Variants in FAAH2 observed in about 807,000 individuals in gnomAD.
FAAH2 encodes fatty-acid amide hydrolase 2.
FAAH2 carries 60 observed loss-of-function variants against 36.9 expected under a neutral mutation model. The observed-to-expected ratio is 1.63, with a 90% confidence interval of 1.32 to 2.02. The LOEUF (loss-of-function observed/expected upper bound fraction) is 2.02, where lower values mean the gene tolerates loss of function less well. FAAH2 is among the 30% of genes most tolerant of loss of function. FAAH2 has a pLI of 0.00. For synonymous variants in FAAH2, 214 were observed against 143.8 expected (o/e 1.49, Z -3.49); for missense variants, 689 against 397.5 (o/e 1.73, Z -6.23).
the FAAH2 span, among the ~76,000 whole-genome samples, chrX:57,154,934 G>A: frequency 2.4e-4 from 26 of 110,580 alleles, no homozygotes; most frequent in East Asian, 4.0e-3. Context: ...TGTAGTGATC[G>A]TTATTTCTCT....
intron 10 of FAAH2, among the ~76,000 whole-genome samples, chrX:57,466,828 G>A (rs1449960936): frequency 2.7e-5 from 3 of 111,573 alleles, no homozygotes; most frequent in Non-Finnish European, 5.6e-5. Flanking sequence ...CAAGCATTAA[G>A]GGTGTGAAAT....
At chrX:57,438,489 A>G (rs931158857) in intron 8 of FAAH2, among the ~76,000 whole-genome samples, 2 of 110,239 alleles carry the variant, frequency 1.8e-5, no homozygotes, top group African/African-American at 6.6e-5. Context: ...AAAAATATAA[A>G]CAAAATTACC....
intron 7 of FAAH2, among the ~76,000 whole-genome samples, chrX:57,399,411 C>T (rs907952838): frequency 8.9e-6 from 1 of 112,117 alleles, no homozygotes; most frequent in Non-Finnish European, 1.9e-5. Flanking sequence ...ATTTTCCCTT[C>T]TTCAGTGGCT....
the FAAH2 span, among the ~76,000 whole-genome samples, chrX:57,228,330 C>T: frequency 1.8e-4 from 20 of 111,438 alleles, no homozygotes; most frequent in Non-Finnish European, 3.8e-5. Context: ...GCTACTTCCT[C>T]TATCCCTGTG....
At chrX:57,299,754 A>C (rs1047973465) in intron 2 of FAAH2, among the ~76,000 whole-genome samples, 3 of 112,212 alleles carry the variant, frequency 2.7e-5, no homozygotes, top group African/African-American at 9.7e-5. Context: ...CAACTTCAGC[A>C]AAGTCTCAGG....
the FAAH2 span, among the ~76,000 whole-genome samples, chrX:57,180,825 A>G: frequency 4.1e-3 from 453 of 111,598 alleles, 2 homozygotes; most frequent in African/African-American, 0.014. Context: ...GCAGAAATAC[A>G]ATAACAACAA....
chrX:57,204,124 A>G, the FAAH2 span, among the ~76,000 whole-genome samples: 4 of 111,268 alleles, frequency 3.6e-5, no homozygotes, highest in Non-Finnish European at 5.7e-5. Flanking sequence ...TAATGATTCC[A>G]TGGGAATCAT....
chrX:57,239,482 A>ATG, the FAAH2 span, among the ~76,000 whole-genome samples: 59 of 109,194 alleles, frequency 5.4e-4, no homozygotes, highest in African/African-American at 1.6e-3. Flanking sequence ...TTTTATATAT[A>ATG]TATATATTTC....
chrX:57,286,289 T>A (rs1163390320), upstream of FAAH2, among the ~76,000 whole-genome samples: 1 of 112,226 alleles, frequency 8.9e-6, no homozygotes, highest in African/African-American at 3.2e-5. Flanking sequence ...AGTTGTTTGT[T>A]GAGCATACTG....
At chrX:57,183,760 A>G in the FAAH2 span, among the ~76,000 whole-genome samples, 2 of 111,436 alleles carry the variant, frequency 1.8e-5, no homozygotes, top group South Asian at 7.6e-4. Context: ...TTGAAAAAGA[A>G]CAGAATAACA....
the FAAH2 span, among the ~76,000 whole-genome samples, chrX:57,277,413 G>A: frequency 9.0e-6 from 1 of 111,556 alleles, no homozygotes; most frequent in Non-Finnish European, 1.9e-5. Context: ...AGGTATTGAT[G>A]GAATGTATCT....
chrX:57,328,876 G>T (rs953611785), intron 3 of FAAH2, among the ~76,000 whole-genome samples: 7 of 111,312 alleles, frequency 6.3e-5, no homozygotes, highest in Non-Finnish European at 1.1e-4. Flanking sequence ...CTGGGGGACT[G>T]GTATGAGGTC....
chrX:57,447,261 G>A (rs1005767423), intron 9 of FAAH2, among the ~76,000 whole-genome samples: 5 of 111,441 alleles, frequency 4.5e-5, no homozygotes, highest in African/African-American at 1.6e-4. Flanking sequence ...CACCCCTATG[G>A]CTTTCCAGGG....
chrX:57,321,906 G>A (rs1284247118), intron 3 of FAAH2, among the ~76,000 whole-genome samples: 1 of 111,926 alleles, frequency 8.9e-6, no homozygotes, highest in Non-Finnish European at 1.9e-5. Context: ...TCCATATTTA[G>A]TGCTTCTTCC....
Position 57,394,233 on chromosome X carries a change from A to T in FAAH2, c.996+13204A>T. 8.4e-6 allele frequency: 6 copies of T among 712,003 alleles called. No homozygotes were observed. In the South Asian group the frequency reaches 8.5e-5, roughly 10 times the overall value. The allele number at this position is 712,003 out of a possible 1,213,427, so 58.7% of individuals were successfully genotyped here. ...GAAGGCTGTCGCACACACATAAAAA[A>T]GTTCTGGTAAAGATGGGCAAGAAGG... is the stretch of plus-strand genomic sequence containing the variant. On this transcript the variant is annotated intron_variant, in intron 7 of 10. Coordinates refer to ENST00000374900, the MANE Select transcript of FAAH2 (RefSeq NM_174912.4).
rs1369140772 is a variant in FAAH2 at position 57,353,495 on chromosome X, AAAAAAG to A, written c.742+12111_742+12116del. On this transcript the variant is annotated intron_variant, in intron 5 of 10. Coordinates refer to ENST00000374900, the MANE Select transcript of FAAH2 (RefSeq NM_174912.4). Reference sequence around the variant, plus strand: ...AGAAGACCCCAAATTATTAAAAAAAAAAAAAGAAAAAAAAGAAAACCAAGGGGAAAT... The same window carrying A: ...AGAAGACCCCAAATTATTAAAAAAAAAAAAAAAAGAAAACCAAGGGGAAAT... 9.0e-3 allele frequency among the ~76,000 whole-genome samples: 963 copies of A among 106,944 alleles called. 13 individuals carry two copies. The highest frequency in any genetic ancestry group is 0.031 in the African/African-American group (922 of 29,514). The allele number at this position is 106,944 out of a possible 115,157, so 92.9% of individuals were successfully genotyped here.
intron 2 of FAAH2, among the ~76,000 whole-genome samples, chrX:57,295,285 G>A (rs1266377914): frequency 8.9e-6 from 1 of 112,274 alleles, no homozygotes; most frequent in African/African-American, 3.2e-5. Context: ...ACTGTTGCCT[G>A]GATGAAAGGC....
At chrX:57,250,422 G>C in the FAAH2 span, among the ~76,000 whole-genome samples, 1 of 111,745 alleles carries the variant, frequency 8.9e-6, no homozygotes, top group East Asian at 2.8e-4. Flanking sequence ...TGTGTGAATT[G>C]TATGATATAT....
chrX:57,150,184 G>A, the FAAH2 span, among the ~76,000 whole-genome samples: 2 of 112,040 alleles, frequency 1.8e-5, no homozygotes, highest in South Asian at 7.5e-4. Flanking sequence ...TTCCAACTAT[G>A]TGGTCAATTT....
Sources: allele counts gnomAD v4.1 joint callset (sites outside exome capture counted in the v4.1 genomes callset), GRCh38; gene constraint gnomAD v4.1.1; transcripts MANE v1.5; gene names NCBI Gene and HGNC (gene_info 2026-07-23, HGNC 2026-07-21).